The following NALF1 variants were observed in gnomAD, a reference collection of about 807,000 sequenced individuals.
The protein encoded by NALF1 is family with sequence similarity 155 member A.
In NALF1, 3 loss-of-function variants were observed where a neutral mutation model predicts 48.4. That is an observed-to-expected ratio of 0.06 (90% CI 0.03 to 0.16). The LOEUF (loss-of-function observed/expected upper bound fraction) is 0.16, where lower values mean the gene tolerates loss of function less well. Ranked by LOEUF, NALF1 falls within the 10% of genes least tolerant of loss-of-function variation. The pLI, the probability that NALF1 is intolerant of heterozygous loss-of-function variation, is 1.00. For missense variants in NALF1, 526 were observed against 571.5 expected (o/e 0.92, Z 0.81); for synonymous variants, 262 against 245.7 (o/e 1.07, Z -0.62).
chr13:107,408,134 G>A (rs937539145), intron 1 of NALF1, among the ~76,000 whole-genome samples: 3 of 151,892 alleles, frequency 2.0e-5, no homozygotes, highest in Non-Finnish European at 4.4e-5. Context: ...GAGTGCACAG[G>A]GGACAAGTAG....
intron 1 of NALF1, among the ~76,000 whole-genome samples, chr13:107,396,480 A>C (rs1253322747): frequency 6.6e-6 from 1 of 152,190 alleles, no homozygotes; most frequent in Non-Finnish European, 1.5e-5. Flanking sequence ...CTTTACAATC[A>C]GGAAAGCATC....
At chr13:107,547,055 T>C (rs1594122057) in intron 1 of NALF1, among the ~76,000 whole-genome samples, 1 of 152,216 alleles carries the variant, frequency 6.6e-6, no homozygotes, top group Non-Finnish European at 1.5e-5. Flanking sequence ...GAAAATTAAA[T>C]AACATATTTG....
At chr13:107,749,473 G>T (rs2138551204) in intron 1 of NALF1, among the ~76,000 whole-genome samples, 1 of 151,874 alleles carries the variant, frequency 6.6e-6, no homozygotes, top group African/African-American at 2.4e-5. Context: ...AAACAAAAAA[G>T]GTGAACTTAA....
intron 1 of NALF1, among the ~76,000 whole-genome samples, chr13:107,854,204 A>G (rs2138644693): frequency 6.6e-6 from 1 of 152,374 alleles, no homozygotes; most frequent in South Asian, 2.1e-4. Context: ...GACTTTTAAT[A>G]TTCAATATAT....
intron 1 of NALF1, among the ~76,000 whole-genome samples, chr13:107,559,064 C>T (rs1010027512): frequency 6.6e-6 from 1 of 152,188 alleles, no homozygotes; most frequent in East Asian, 1.9e-4. Flanking sequence ...GGAGCTGATA[C>T]TTCATAACAG....
chr13:107,816,881 T>C (rs1879183372), intron 1 of NALF1, among the ~76,000 whole-genome samples: 2 of 152,188 alleles, frequency 1.3e-5, no homozygotes, highest in Admixed American at 1.3e-4. Context: ...AAACAAAACG[T>C]AGGTCTGCCA....
At chr13:107,537,285 T>C (rs570705161) in intron 1 of NALF1, among the ~76,000 whole-genome samples, 61 of 152,230 alleles carry the variant, frequency 4.0e-4, no homozygotes, top group African/African-American at 1.4e-3. Flanking sequence ...TAGCCCAATT[T>C]GGAAACTAAC....
chr13:107,319,191 A>T (rs934564827), intron 1 of NALF1, among the ~76,000 whole-genome samples: 3 of 152,080 alleles, frequency 2.0e-5, no homozygotes, highest in African/African-American at 7.2e-5. Flanking sequence ...TAAACATCCC[A>T]TCAAAACCAT....
intron 1 of NALF1, among the ~76,000 whole-genome samples, chr13:107,629,612 C>T (rs1242669360): frequency 1.9e-5 from 1 of 53,694 alleles, no homozygotes; most frequent in Non-Finnish European, 5.3e-5. Context: ...TCCAGTTGCT[C>T]TCTCTTCTCA....
intron 1 of NALF1, among the ~76,000 whole-genome samples, chr13:107,700,084 T>G (rs2138510786): frequency 6.6e-6 from 1 of 151,876 alleles, no homozygotes; most frequent in East Asian, 1.9e-4. Flanking sequence ...CTACACAAAG[T>G]AATATATAGA....
intron 1 of NALF1, among the ~76,000 whole-genome samples, chr13:107,486,868 T>A (rs1249294451): frequency 1.3e-5 from 2 of 152,172 alleles, no homozygotes; most frequent in Non-Finnish European, 2.9e-5. Flanking sequence ...TGAGAAATAG[T>A]AGTATTTCAG....
intron 1 of NALF1, among the ~76,000 whole-genome samples, chr13:107,497,575 A>G (rs1875381642): frequency 6.6e-6 from 1 of 152,204 alleles, no homozygotes. Context: ...ATCTTTCAGA[A>G]TGATTTCAGA....
intron 1 of NALF1, among the ~76,000 whole-genome samples, chr13:107,349,719 G>A (rs1480801024): frequency 2.8e-5 from 4 of 140,540 alleles, no homozygotes; most frequent in Non-Finnish European, 6.0e-5. Context: ...CCAGCCTGGC[G>A]ACAGAGCGAG....
chr13:107,746,730 C>A (rs1186522511), intron 1 of NALF1, among the ~76,000 whole-genome samples: 4 of 152,182 alleles, frequency 2.6e-5, no homozygotes, highest in Non-Finnish European at 5.9e-5. Flanking sequence ...GGGCCTTCAG[C>A]TGACTATAAA....
chr13:107,851,029 G>T lies in NALF1; in HGVS notation c.915+14653C>A, dbSNP rs377399036. Among the ~76,000 whole-genome samples, 6 of 152,274 alleles carry T rather than the reference G, an allele frequency of 3.9e-5. No individual in the cohort carries two copies. The East Asian group carries it at 9.6e-4, about 24-fold the overall frequency. On this transcript the variant is annotated intron_variant, in intron 1 of 2. Coordinates refer to ENST00000375915, the MANE Select transcript of NALF1 (RefSeq NM_001080396.3). ...AATCCTGCTTCTCTGCACATCCTAGGGAAGTTATCTGAATAAGATCGTGTA... is the reference window on the plus strand; with the variant it reads ...AATCCTGCTTCTCTGCACATCCTAGTGAAGTTATCTGAATAAGATCGTGTA...
intron 1 of NALF1, among the ~76,000 whole-genome samples, chr13:107,340,292 C>T (rs1882645060): frequency 1.3e-5 from 2 of 151,836 alleles, no homozygotes; most frequent in South Asian, 4.2e-4. Flanking sequence ...AGGTGCCCAC[C>T]AACACGCCCG....
In NALF1 at chr13:107,866,535, G is replaced by A; in HGVS notation, c.62C>T (p.Ala21Val). The A allele has an allele frequency of 6.2e-7, 1 of 1,613,474 alleles. No individual in the cohort carries two copies. The highest frequency in any genetic ancestry group is 8.5e-7 in the Non-Finnish European group (1 of 1,180,000). ...YDDGLKIWLA[A>V]PRENEKPFID... ...GAACGGTTTCTCGTTCTCTCGGGGT[G>A]CTGCCAACCAGATTTTTAAGCCGTC... The change falls in exon 1 of 3, where the codon GCA becomes GTA. Residue 21 changes from alanine to valine, a missense_variant. Ala to Val is a moderately conservative substitution (Grantham distance 64). Transcript: ENST00000375915. This position sits in a 1 kb window ranked among gnomAD's most constrained non-coding sequence, Gnocchi z 4.4.
chr13:107,481,920 A>G (rs1442887143), intron 1 of NALF1, among the ~76,000 whole-genome samples: 1 of 152,150 alleles, frequency 6.6e-6, no homozygotes, highest in African/African-American at 2.4e-5. Flanking sequence ...TTAACTAATG[A>G]GGGAAATATT....
intron 1 of NALF1, among the ~76,000 whole-genome samples, chr13:107,222,570 G>C (rs977382598): frequency 6.6e-6 from 1 of 152,078 alleles, no homozygotes; most frequent in Admixed American, 6.6e-5. Flanking sequence ...TGTTCGCCCC[G>C]CTTAGGAGAA....
Sources: gnomAD v4.1 joint callset for allele counts (sites outside exome capture counted in the v4.1 genomes callset) on GRCh38, gnomAD v4.1.1 for gene constraint, Gnocchi (gnomAD v3.1) non-coding constraint, MANE v1.5 for transcripts, NCBI Gene and HGNC (gene_info 2026-07-23, HGNC 2026-07-21) for gene names.